The following SGIP1 variants were observed in gnomAD, a reference collection of about 807,000 sequenced individuals.
The protein encoded by SGIP1 is SH3GL interacting endocytic adaptor 1.
A neutral mutation model predicts 107.5 loss-of-function variants in SGIP1; 38 were observed. The observed-to-expected ratio is 0.35, with a 90% CI of 0.27 to 0.46. The LOEUF is 0.46. SGIP1 is among the 20% of genes least tolerant of loss of function. The pLI, the probability that SGIP1 is intolerant of heterozygous loss-of-function variation, is 1.00. For missense variants in SGIP1, 929 were observed against 1,019.5 expected (o/e 0.91, Z 1.21); for synonymous variants, 365 against 366.1 (o/e 1.00, Z 0.03).
chr1:66,615,942 A>G (rs2069188691), intron 1 of SGIP1: 1 of 152,236 alleles, frequency 6.6e-6, no homozygotes. Context: ...CAAATAGGCT[A>G]GGCAGGAAAC....
chr1:66,599,600 ACTT>A (rs2065363893), intron 1 of SGIP1, among the ~76,000 whole-genome samples: 1 of 152,186 alleles, frequency 6.6e-6, no homozygotes, highest in African/African-American at 2.4e-5. Context: ...GAAAAGATAG[ACTT>A]CCATGCTACA....
At chr1:66,679,512 T>A (rs1239150517) in intron 13 of SGIP1, among the ~76,000 whole-genome samples, 166 bp from the exon 14 acceptor site, 2 of 152,244 alleles carry the variant, frequency 1.3e-5, no homozygotes, top group African/African-American at 4.8e-5. Context: ...GAATGGGTTC[T>A]GCCTCAGTTC....
chr1:66,562,871 G>A (rs1038567154), intron 1 of SGIP1, among the ~76,000 whole-genome samples: 1 of 152,026 alleles, frequency 6.6e-6, no homozygotes, highest in Non-Finnish European at 1.5e-5. Flanking sequence ...GCAGGTGAAA[G>A]GTTCTCTGTG....
chr1:66,630,792 G>A, intron 2 of SGIP1, among the ~76,000 whole-genome samples: 1 of 98,290 alleles, frequency 1.0e-5, no homozygotes. Context: ...GGTGACAAGA[G>A]CAAAACTCCG....
chr1:66,724,100 G>C (rs956526499), intron 19 of SGIP1, among the ~76,000 whole-genome samples: 4 of 152,202 alleles, frequency 2.6e-5, no homozygotes, highest in African/African-American at 9.7e-5. Flanking sequence ...GGTTTTGTTA[G>C]CAGTACATAT....
rs182182111 is a variant in SGIP1, at chr1:66,712,915, A to G, written c.1631-6379A>G. Among the ~76,000 whole-genome samples the G allele has an allele frequency of 1.4e-3, 219 of 152,244 alleles. 2 individuals carry two copies. Among genetic ancestry groups the G allele is most frequent in the African/African-American group, 5.2e-3 (216 of 41,544 alleles). On this transcript the variant is annotated intron_variant, in intron 18 of 24. Coordinates refer to ENST00000371037, the MANE Select transcript of SGIP1 (RefSeq NM_032291.4). ...TCCTCAGAACCCCCTCAAAGTGTGC[A>G]TGTCAATTGCTTCCCAGTACTCTGG...
At chr1:66,578,784 G>T (rs2061423652) in intron 1 of SGIP1, among the ~76,000 whole-genome samples, 5 of 152,156 alleles carry the variant, frequency 3.3e-5, no homozygotes, top group Admixed American at 3.3e-4. Flanking sequence ...GGATTCTCCT[G>T]CCTCAGCCTC....
At chr1:66,662,964 A>G (rs999295045) in intron 8 of SGIP1, among the ~76,000 whole-genome samples, 12 of 152,214 alleles carry the variant, frequency 7.9e-5, no homozygotes, top group African/African-American at 2.7e-4. Context: ...GCAATCAGAG[A>G]TGAATTAATC....
At chr1:66,634,141 C>A (rs1318390590) in intron 3 of SGIP1, 6 of 1,610,054 alleles carry the variant, frequency 3.7e-6, no homozygotes. Context: ...TGGCTCAGAG[C>A]CCTCTCGTTA....
intron 1 of SGIP1, among the ~76,000 whole-genome samples, chr1:66,553,347 A>AT (rs538326205): frequency 1.3e-3 from 188 of 150,000 alleles, no homozygotes; most frequent in African/African-American, 3.1e-3. Flanking sequence ...TATAGATGGC[A>AT]TTTTTTTTTT....
intron 20 of SGIP1, among the ~76,000 whole-genome samples, chr1:66,730,082 A>G (rs1362395205): frequency 1.3e-5 from 2 of 152,164 alleles, no homozygotes; most frequent in Admixed American, 1.3e-4. Context: ...GATTACAGCC[A>G]TGAGCCACCA....
chr1:66,659,039 G>A (rs4655505), intron 7 of SGIP1, among the ~76,000 whole-genome samples: 12 of 152,264 alleles, frequency 7.9e-5, no homozygotes, highest in South Asian at 6.2e-4. Context: ...GAAAGCCAAC[G>A]GAGGACGATG....
chr1:66,613,821 GA>G (rs1483341109), intron 1 of SGIP1, among the ~76,000 whole-genome samples: 1 of 152,124 alleles, frequency 6.6e-6, no homozygotes, highest in Non-Finnish European at 1.5e-5. Flanking sequence ...ACTGGTCTCT[GA>G]TTGCACATAA....
chr1:66,664,450 C>T (rs1281450653), intron 8 of SGIP1, among the ~76,000 whole-genome samples: 2 of 152,144 alleles, frequency 1.3e-5, no homozygotes, highest in East Asian at 1.9e-4. Flanking sequence ...CACAATGACT[C>T]TCTGCTTTTG....
chr1:66,555,277 A>G (rs180713280), intron 1 of SGIP1, among the ~76,000 whole-genome samples: 296 of 152,098 alleles, frequency 1.9e-3, no homozygotes, highest in Non-Finnish European at 3.1e-3. Context: ...TTCCTTCTCC[A>G]TCACTTGTGT....
intron 1 of SGIP1, among the ~76,000 whole-genome samples, chr1:66,596,904 AGG>A (rs2064826259): frequency 6.6e-6 from 1 of 152,140 alleles, no homozygotes; most frequent in African/African-American, 2.4e-5. Context: ...CCTTCAAAAT[AGG>A]AAAGACTGCT....
intron 15 of SGIP1, 77 bp downstream of exon 15, chr1:66,682,446 C>T (rs1488180139): frequency 3.9e-6 from 6 of 1,520,910 alleles, no homozygotes; most frequent in Admixed American, 2.2e-5. Context: ...CACCGTCCTC[C>T]TGCCTGGCAG....
chr1:66,743,077 A>C lies in SGIP1; in HGVS notation c.2469A>C (p.Lys823Asn). 6.2e-7 allele frequency: 1 copy of C among 1,613,640 alleles called. No individual in the cohort carries two copies. The highest frequency in any genetic ancestry group is 1.1e-5 in the South Asian group (1 of 91,076). Reference sequence around the variant, plus strand: ...ACATGCTGTTTTGTTTTGCAGGAAAATACTTGGCAGATAACTAATGAAATC... The same window carrying C: ...ACATGCTGTTTTGTTTTGCAGGAAACTACTTGGCAGATAACTAATGAAATC... ...SLIKKRFAAG[K>N]YLADN Residue 823 changes from lysine (K) to asparagine (N), a missense_variant, in exon 25 of 25, where the codon AAA becomes AAC. Physicochemically the swap from Lys to Asn is moderately conservative, Grantham distance 94. Coordinates refer to ENST00000371037, the MANE Select transcript of SGIP1 (RefSeq NM_032291.4).
intron 1 of SGIP1, among the ~76,000 whole-genome samples, chr1:66,606,012 T>TG (rs575416074): frequency 1.8e-4 from 27 of 152,198 alleles, no homozygotes; most frequent in Non-Finnish European, 3.2e-4. Context: ...TCTTTTCATC[T>TG]GGGGAAGATC....
Sources: gnomAD v4.1 joint callset for allele counts (sites outside exome capture counted in the v4.1 genomes callset) on GRCh38, gnomAD v4.1.1 for gene constraint, MANE v1.5 for transcripts, NCBI Gene and HGNC (gene_info 2026-07-23, HGNC 2026-07-21) for gene names.